Variants in TFAP4 observed in about 807,000 individuals in gnomAD.
The protein encoded by TFAP4 is activating enhancer-binding protein 4.
In TFAP4, 7 loss-of-function variants were observed where a neutral mutation model predicts 40.4. That is an observed-to-expected ratio of 0.17 (90% CI 0.10 to 0.33). TFAP4 has a LOEUF of 0.33. Ranked by LOEUF, TFAP4 falls within the 10% of genes least tolerant of loss-of-function variation. The pLI is 1.00. For missense variants in TFAP4, 374 were observed against 451.1 expected (o/e 0.83, Z 1.55); for synonymous variants, 218 against 181.4 (o/e 1.20, Z -1.62).
At chr16:4,259,037 G>GA in intron 6 of TFAP4, among the ~76,000 whole-genome samples, 1 of 151,616 alleles carries the variant, frequency 6.6e-6, no homozygotes, top group Non-Finnish European at 1.5e-5. Flanking sequence ...GCGATGAGCT[G>GA]AGATAGCACC....
chr16:4,261,663 C>A (rs2052949394), intron 4 of TFAP4, 116 bp downstream of exon 4: 3 of 1,239,012 alleles, frequency 2.4e-6, no homozygotes, highest in South Asian at 1.6e-5. Flanking sequence ...GGCCTGGCAC[C>A]GCAGTAGGTG....
chr16:4,262,321 C>A lies in TFAP4; in HGVS notation c.354+3G>T. The A allele has an allele frequency of 1.9e-6, 3 of 1,614,098 alleles. No homozygotes were observed. The highest frequency in any genetic ancestry group is 2.5e-6 in the Non-Finnish European group (3 of 1,180,010). ...AGAGGGAGCCATGAAGGACAGGGCG[C>A]ACCTGGATGAAGCGCTTGAGCTGTG... is the stretch of plus-strand genomic sequence containing the variant. On this transcript the variant is annotated splice_donor_region_variant and intron_variant, in intron 3 of 6. Transcript: ENST00000204517.
In TFAP4 at chr16:4,258,051, G is replaced by C. The variant is rs777452608; in HGVS notation, c.*4C>G. On this transcript the variant is annotated 3_prime_UTR_variant, in exon 7 of 7. Transcript: ENST00000204517. ...CAGAAGGGAGAGGAGGGCTGGGGGG[G>C]TAGTCAGGGAAGCTCCCCGTCCCCC... is the stretch of plus-strand genomic sequence containing the variant. 4 of 1,609,314 alleles carry C rather than the reference G, an allele frequency of 2.5e-6. No individual in the cohort carries two copies. The highest frequency in any genetic ancestry group is 3.4e-6 in the Non-Finnish European group (4 of 1,179,062).
At position 4,258,159 on chromosome 16, in the gene TFAP4, G is replaced by A. The variant is rs780131911; in HGVS notation, c.913C>T (p.Pro305Ser). Residue 305 changes from proline to serine, a missense_variant, in exon 7 of 7, where the codon CCG (proline) becomes TCG (serine). By Grantham distance (74) the Pro-to-Ser change is moderately conservative (BLOSUM62 -1). Coordinates refer to ENST00000204517, the MANE Select transcript of TFAP4 (RefSeq NM_003223.3). ...AVIVKPVRSC[P>S]EAPTSDTASD... ...GCGGTGTCAGAGGTGGGGGCCTCCGGGCAGCTGCGGACAGGCTTCACGATG... is the reference window on the plus strand; with the variant it reads ...GCGGTGTCAGAGGTGGGGGCCTCCGAGCAGCTGCGGACAGGCTTCACGATG... 6.2e-7 allele frequency: 1 copy of A among 1,613,984 alleles called. No homozygotes were observed. The highest frequency in any genetic ancestry group is 8.5e-7 in the Non-Finnish European group (1 of 1,179,992).
At chr16:4,258,470 G>T in intron 6 of TFAP4, 1 of 493,636 alleles carries the variant, frequency 2.0e-6, no homozygotes, top group Non-Finnish European at 3.6e-6. Flanking sequence ...CTAGAGTGCA[G>T]TGGCATGATC....
chr16:4,260,214 G>A lies in TFAP4; in HGVS notation c.698C>T (p.Pro233Leu). The A allele has an allele frequency of 6.4e-7, 1 of 1,565,950 alleles. No homozygotes were observed. The highest frequency in any genetic ancestry group is 8.6e-7 in the Non-Finnish European group (1 of 1,158,998). The change falls in exon 6 of 7, where the codon CCC (proline) becomes CTC (leucine). Residue 233 changes from proline (P) to leucine (L), a missense_variant. By Grantham distance (98) the Pro-to-Leu change is moderately conservative (BLOSUM62 -3). Around this residue, in one of 6 missense-constraint regions of TFAP4, gnomAD observed 161 missense variants for 154.2 expected, o/e 1.04. Transcript: ENST00000204517. ...LLPPPAPTHH[P>L]TVIVPAPPPP... is the part of the protein sequence containing the mutation. ...AGGCGGTGCTGGCACGATCACCGTG[G>A]GGTGGTGGGTGGGGGCCGGAGGGGG...
intron 1 of TFAP4, 130 bp from the exon 2 acceptor site, chr16:4,262,831 G>C: frequency 1.9e-6 from 2 of 1,071,170 alleles, no homozygotes; most frequent in South Asian, 2.9e-5. Flanking sequence ...GAGTGATGGA[G>C]GGGTGCTCTC....
chr16:4,269,401 G>A (rs1449325367), intron 1 of TFAP4, among the ~76,000 whole-genome samples: 1 of 150,334 alleles, frequency 6.7e-6, no homozygotes, highest in East Asian at 2.0e-4. Context: ...GCTGAGGCAG[G>A]AGAATGGCGT....
chr16:4,264,434 C>T (rs2052974578), intron 1 of TFAP4: 2 of 152,412 alleles, frequency 1.3e-5, no homozygotes, highest in African/African-American at 2.4e-5. Flanking sequence ...AGCCTCCTTC[C>T]GTCCTCATCA....
chr16:4,271,225 G>A (rs2053037681), intron 1 of TFAP4, among the ~76,000 whole-genome samples: 2 of 152,208 alleles, frequency 1.3e-5, no homozygotes, highest in African/African-American at 4.8e-5. Context: ...GGGCAGGAGT[G>A]TCTACACGTG....
At position 4,257,348 on chromosome 16, in the gene TFAP4, A is replaced by G. The variant is rs1205462231; in HGVS notation, c.*707T>C. ...AAAAAGAAAGAAAAAAAAGAAAAAC[A>G]AAACAAAAACAGAAAGCAAACCAAA... On this transcript the variant is annotated 3_prime_UTR_variant, in exon 7 of 7. Transcript: ENST00000204517. The G allele has an allele frequency of 6.6e-6, 1 of 151,794 alleles. No homozygotes were observed. Among genetic ancestry groups the G allele is most frequent in the Non-Finnish European group, 1.5e-5 (1 of 67,902 alleles). 9.4% of individuals were successfully genotyped at this position (151,794 alleles called of 1,614,324 possible). A position where few individuals can be genotyped will look rare whatever the true frequency, so the allele number is the denominator to read the frequency against.
chr16:4,269,039 C>T (rs926299861), intron 1 of TFAP4, among the ~76,000 whole-genome samples: 10 of 151,764 alleles, frequency 6.6e-5, no homozygotes, highest in African/African-American at 2.4e-4. Flanking sequence ...AGGCACATGC[C>T]ACCATGCCGG....
In TFAP4 at chr16:4,272,947, CGTGTGT is replaced by C. The variant is rs2053051467; in HGVS notation, c.-207_-202del. 2.2e-6 allele frequency: 1 copy of C among 458,522 alleles called. No homozygotes were observed. Among genetic ancestry groups the C allele is most frequent in the Non-Finnish European group, 3.9e-6 (1 of 253,636 alleles). 28.4% of individuals were successfully genotyped at this position (458,522 alleles called of 1,614,324 possible). A position where few individuals can be genotyped will look rare whatever the true frequency, so the allele number is the denominator to read the frequency against. ...GGTCTCTCCGGCCTGCCTCCCCGGG[CGTGTGT>C]ATGTGTGTGTGTGTGTGTGTGTGTG... On this transcript the variant is annotated 5_prime_UTR_variant, in exon 1 of 7. The change creates a new upstream start codon in the 5' untranslated region. Transcript: ENST00000204517.
intron 2 of TFAP4, 23 bp downstream of exon 2, chr16:4,262,513 A>C (rs1173001553): frequency 1.6e-5 from 26 of 1,612,672 alleles, no homozygotes; most frequent in Non-Finnish European, 2.1e-5. Flanking sequence ...CTCCTCCAGG[A>C]AGCCCTCCCT....
chr16:4,262,899 C>A, intron 1 of TFAP4, 198 bp from the exon 2 acceptor site: 1 of 604,550 alleles, frequency 1.7e-6, no homozygotes, highest in East Asian at 2.8e-5. Context: ...CGCTCAGAAC[C>A]CACCCCGGGC....
intron 1 of TFAP4, among the ~76,000 whole-genome samples, chr16:4,270,284 C>T (rs750430336): frequency 6.6e-6 from 1 of 152,164 alleles, no homozygotes; most frequent in African/African-American, 2.4e-5. Flanking sequence ...AACCATTAGG[C>T]GACAGGTCCA....
At chr16:4,270,697 A>G (rs1410269643) in intron 1 of TFAP4, among the ~76,000 whole-genome samples, 1 of 152,236 alleles carries the variant, frequency 6.6e-6, no homozygotes, top group African/African-American at 2.4e-5. Flanking sequence ...TGGGGCAGGG[A>G]TAAATTGAAG....
chr16:4,270,671 G>T (rs251735), intron 1 of TFAP4, among the ~76,000 whole-genome samples: 1 of 152,102 alleles, frequency 6.6e-6, no homozygotes, highest in African/African-American at 2.4e-5. Context: ...CTGCTGGTAT[G>T]CTCCAAAGGA....
intron 1 of TFAP4, chr16:4,267,063 T>G (rs898515665): frequency 6.5e-6 from 1 of 152,824 alleles, no homozygotes; most frequent in African/African-American, 2.4e-5. Context: ...AGATGGAGTC[T>G]CGCTCTGTTG....
Sources: gnomAD v4.1 joint callset for allele counts (sites outside exome capture counted in the v4.1 genomes callset) on GRCh38, gnomAD v4.1.1 for gene constraint, gnomAD v4.1.1 regional missense constraint, MANE v1.5 for transcripts, NCBI Gene and HGNC (gene_info 2026-07-23, HGNC 2026-07-21) for gene names.